Variants in FBN1 observed in about 807,000 individuals in gnomAD.
FBN1 encodes the protein fibrillin-1.
In FBN1, 29 loss-of-function variants were observed where a neutral mutation model predicts 365.1. The ratio of observed to expected loss-of-function variants is 0.08; its 90% CI spans 0.06 to 0.11. The LOEUF (loss-of-function observed/expected upper bound fraction) is 0.11, where lower values mean the gene tolerates loss of function less well. FBN1 is among the 10% of genes least tolerant of loss of function. The pLI is 1.00. For synonymous variants in FBN1, 1,210 were observed against 1,270.5 expected, an observed-to-expected ratio of 0.95 and a Z score of 1.01; for missense variants, 2,476 against 3,703.2, an observed-to-expected ratio of 0.67 and a Z score of 8.60.
At chr15:48,575,297 G>A (rs1163298999) in intron 6 of FBN1, among the ~76,000 whole-genome samples, 1 of 151,608 alleles carries the variant, frequency 6.6e-6, no homozygotes, top group East Asian at 1.9e-4. Flanking sequence ...TTAGAGCTCC[G>A]CTCAATTCTT....
intron 43 of FBN1, 51 bp downstream of exon 43, chr15:48,460,195 T>C (rs1387024236): frequency 2.2e-6 from 3 of 1,378,750 alleles, no homozygotes; most frequent in Non-Finnish European, 3.1e-6. Flanking sequence ...AAAATAATGC[T>C]AACACAAAGG....
intron 56 of FBN1, 92 bp from the exon 57 acceptor site, chr15:48,428,563 C>T: frequency 1.4e-6 from 2 of 1,409,770 alleles, no homozygotes; most frequent in Non-Finnish European, 2.0e-6. Context: ...TTCCTTCCTC[C>T]CTCCCTCCTT....
chr15:48,628,605 C>T (rs1407961741), intron 2 of FBN1, among the ~76,000 whole-genome samples: 1 of 152,128 alleles, frequency 6.6e-6, no homozygotes, highest in African/African-American at 2.4e-5. Flanking sequence ...CTCATAATAG[C>T]CTATCCTTAC....
At chr15:48,618,774 C>T (rs1031900642) in intron 2 of FBN1, among the ~76,000 whole-genome samples, 1 of 152,134 alleles carries the variant, frequency 6.6e-6, no homozygotes, top group East Asian at 1.9e-4. Context: ...ACCTGAACTC[C>T]ACCTCCTGTC....
At chr15:48,441,368 C>T (rs2043113420) in intron 50 of FBN1, among the ~76,000 whole-genome samples, 1 of 152,144 alleles carries the variant, frequency 6.6e-6, no homozygotes, top group Non-Finnish European at 1.5e-5. Context: ...CCACATTTTT[C>T]AGCTTATCTC....
chr15:48,435,710 ATG>A (rs374375788), intron 53 of FBN1, among the ~76,000 whole-genome samples: 27 of 135,234 alleles, frequency 2.0e-4, no homozygotes, highest in Non-Finnish European at 3.8e-4. Context: ...GTGTATATAT[ATG>A]TGTGTATATA....
intron 4 of FBN1, among the ~76,000 whole-genome samples, chr15:48,607,926 C>T (rs1477974981): frequency 6.6e-6 from 1 of 152,212 alleles, no homozygotes; most frequent in Non-Finnish European, 1.5e-5. Flanking sequence ...TAGCAAAGAA[C>T]AGTCCTAAAG....
At chr15:48,485,045 T>C (rs1003852587) in intron 30 of FBN1, among the ~76,000 whole-genome samples, 1 of 152,158 alleles carries the variant, frequency 6.6e-6, no homozygotes, top group Non-Finnish European at 1.5e-5. Flanking sequence ...TTGCCAATGG[T>C]TCAAGGAATA....
At chr15:48,477,072 A>G (rs1437936870) in intron 32 of FBN1, among the ~76,000 whole-genome samples, 1 of 152,138 alleles carries the variant, frequency 6.6e-6, no homozygotes, top group Non-Finnish European at 1.5e-5. Flanking sequence ...ACCACAACCT[A>G]TTAATCTAGT....
chr15:48,636,683 G>C (rs1305302017), intron 2 of FBN1, among the ~76,000 whole-genome samples: 3 of 152,174 alleles, frequency 2.0e-5, no homozygotes. Context: ...GGTCCATTTA[G>C]ATAAACCACA....
At chr15:48,477,436 T>C (rs1033535093) in intron 32 of FBN1, among the ~76,000 whole-genome samples, 2 of 152,226 alleles carry the variant, frequency 1.3e-5, no homozygotes, top group Non-Finnish European at 2.9e-5. Flanking sequence ...CTCAATGTTT[T>C]ACACTCTCAG....
intron 4 of FBN1, among the ~76,000 whole-genome samples, chr15:48,609,944 A>T (rs1354061833): frequency 1.3e-5 from 2 of 152,176 alleles, no homozygotes; most frequent in Admixed American, 1.3e-4. Context: ...TTATTCCACA[A>T]TGTTTTTCTT....
At chr15:48,499,156 C>T (rs142610633) in intron 17 of FBN1, 118 bp from the exon 18 acceptor site, 18 of 1,002,750 alleles carry the variant, frequency 1.8e-5, no homozygotes, top group East Asian at 1.2e-4. Flanking sequence ...TAAGTGGTAA[C>T]GGAAAAGGAG....
chr15:48,492,661 T>C, intron 23 of FBN1, 75 bp from the exon 24 acceptor site: 2 of 1,186,638 alleles, frequency 1.7e-6, no homozygotes, highest in Non-Finnish European at 2.4e-6. Flanking sequence ...CATAGAGTCA[T>C]AATTATTCCC....
intron 6 of FBN1, among the ~76,000 whole-genome samples, chr15:48,561,205 T>C (rs2044220089): frequency 6.6e-6 from 1 of 152,194 alleles, no homozygotes; most frequent in Non-Finnish European, 1.5e-5. Context: ...TAAAACTAGC[T>C]GAATGTGCAG....
intron 60 of FBN1, among the ~76,000 whole-genome samples, chr15:48,422,762 C>A (rs909965668): frequency 4.6e-5 from 7 of 152,256 alleles, no homozygotes; most frequent in African/African-American, 9.6e-5. Flanking sequence ...GAGTTTGAGA[C>A]CAGCCTGGGC....
Position 48,474,276 on chromosome 15 carries a change from C to T in FBN1, c.4189G>A (p.Gly1397Ser). The change falls in exon 34 of 66, where the codon GGT becomes AGT. Residue 1397 changes from glycine to serine, a missense_variant. Transcript: ENST00000316623. ...YRCLCKEGYT[G>S]DGFTCTDLDE... ...ATACCTGTACAAGTGAAGCCATCAC[C>T]TGTGTATCCTTCCTTGCACAGACAG... is the stretch of plus-strand genomic sequence containing the variant. 1.9e-6 allele frequency: 3 copies of T among 1,614,096 alleles called. No individual in the cohort carries two copies. The highest frequency in any genetic ancestry group is 2.5e-6 in the Non-Finnish European group (3 of 1,180,000).
chr15:48,574,398 G>C (rs535295318), intron 6 of FBN1, among the ~76,000 whole-genome samples: 3 of 152,186 alleles, frequency 2.0e-5, no homozygotes, highest in Non-Finnish European at 4.4e-5. Context: ...GTAGATTGTG[G>C]ATTGTTGTTT....
chr15:48,548,364 T>C (rs886965529), intron 6 of FBN1, among the ~76,000 whole-genome samples: 2 of 152,194 alleles, frequency 1.3e-5, no homozygotes, highest in Admixed American at 1.3e-4. Context: ...TTAATAGTTA[T>C]TTCCCAGACA....
Sources: gnomAD v4.1 joint callset for allele counts (sites outside exome capture counted in the v4.1 genomes callset) on GRCh38, gnomAD v4.1.1 for gene constraint, MANE v1.5 for transcripts, NCBI Gene and HGNC (gene_info 2026-07-23, HGNC 2026-07-21) for gene names.